SHPRH: variants seen among roughly 807,000 people sequenced by gnomAD.
SHPRH encodes SNF2 histone linker PHD RING helicase, also known as E3 ubiquitin-protein ligase SHPRH.
In SHPRH, 106 loss-of-function variants were observed where a neutral mutation model predicts 202.5. The observed-to-expected ratio is 0.52, with a 90% CI of 0.45 to 0.62. The LOEUF (loss-of-function observed/expected upper bound fraction) is 0.62, where lower values mean the gene tolerates loss of function less well. Among genes scored for constraint, SHPRH ranks in the 20% least tolerant of loss-of-function variants. The pLI, the probability that SHPRH is intolerant of heterozygous loss-of-function variation, is 0.00. For missense variants in SHPRH, 1,710 were observed against 2,020.0 expected (o/e 0.85, Z 2.94); for synonymous variants, 729 against 686.0 (o/e 1.06, Z -0.98).
At chr6:145,887,101 T>C (rs891585672) in intron 29 of SHPRH, among the ~76,000 whole-genome samples, 3 of 152,166 alleles carry the variant, frequency 2.0e-5, no homozygotes, top group African/African-American at 7.2e-5. Context: ...AGTTAATTTG[T>C]TTCAAGAGAA....
At chr6:145,949,898 C>T (rs1787797453) in intron 4 of SHPRH, among the ~76,000 whole-genome samples, 1 of 152,094 alleles carries the variant, frequency 6.6e-6, no homozygotes, top group African/African-American at 2.4e-5. Context: ...CACCAACATT[C>T]ACCATTACAT....
downstream of SHPRH, chr6:145,883,296 A>G (rs1780722482): frequency 6.6e-6 from 1 of 152,242 alleles, no homozygotes. Context: ...ACATTAAATG[A>G]TGAAGATACG....
downstream of SHPRH, chr6:145,884,058 CT>C (rs1436901333): frequency 6.6e-6 from 1 of 152,176 alleles, no homozygotes; most frequent in Non-Finnish European, 1.5e-5. Context: ...TGATTTCTTA[CT>C]TTATCCACCT....
intron 26 of SHPRH, 122 bp from the exon 27 acceptor site, chr6:145,894,358 A>AAAACCC (rs1161910943): frequency 1.7e-6 from 1 of 591,460 alleles, no homozygotes; most frequent in African/African-American, 2.0e-5. Context: ...AACCAAAACC[A>AAAACCC]AAACCCTCAA....
At chr6:145,939,292 C>A (rs1255427098) in intron 11 of SHPRH, among the ~76,000 whole-genome samples, 1 of 152,118 alleles carries the variant, frequency 6.6e-6, no homozygotes, top group Non-Finnish European at 1.5e-5. Context: ...ACGAAACTTG[C>A]CTTATTGTGC....
intron 29 of SHPRH, among the ~76,000 whole-genome samples, chr6:145,887,529 G>GTTTT (rs200904161): frequency 1.0e-4 from 13 of 130,134 alleles, no homozygotes; most frequent in African/African-American, 1.7e-4. Flanking sequence ...ACCTTAACAA[G>GTTTT]TTTGTTTTTT....
Position 145,943,188 on chromosome 6 carries a change from C to A in SHPRH, c.2193G>T (p.Val731=). The A allele has an allele frequency of 6.2e-7, 1 of 1,612,328 alleles. No homozygotes were observed. Among genetic ancestry groups the A allele is most frequent in the Non-Finnish European group, 8.5e-7 (1 of 1,179,006 alleles). ...ACCTCACATGCCTGTTGATCTCATC[C>A]ACCCACTGGTGACAGATGGAACTTG... ...ISPSSICHQW[V]DEINRHVRSS... Residue 731 remains valine (V), a synonymous_variant, in exon 9 of 30, where the codon GTG becomes GTT. Transcript: ENST00000275233.
chr6:145,888,702 T>C (rs180879951), intron 28 of SHPRH, among the ~76,000 whole-genome samples: 193 of 152,306 alleles, frequency 1.3e-3, no homozygotes, highest in African/African-American at 4.4e-3. Flanking sequence ...TAGAAATCCC[T>C]TTGGCAACCG....
At chr6:145,922,427 T>C (rs1784505279) in intron 19 of SHPRH, 79 bp from the exon 20 acceptor site, 24 of 1,455,626 alleles carry the variant, frequency 1.6e-5, no homozygotes, top group Non-Finnish European at 2.2e-5. Context: ...CTTAATATTT[T>C]GACTTCATTT....
downstream of SHPRH, among the ~76,000 whole-genome samples, chr6:145,861,044 G>A (rs1426196330): frequency 6.6e-6 from 1 of 151,942 alleles, no homozygotes; most frequent in African/African-American, 2.4e-5. Context: ...TTAAATAGAG[G>A]AAAAAGTTTG....
chr6:145,943,807 G>GA lies in SHPRH; in HGVS notation c.1579-6dup, dbSNP rs776871669. On this transcript the variant is annotated splice_region_variant and splice_polypyrimidine_tract_variant and intron_variant, in intron 8 of 29. Transcript: ENST00000275233. ...TTTCCTTGGACTCCCTACTGCCTAT[G>GA]AAAAAAATATTTAATTAATTGATTG... 1 of 1,549,448 alleles carries GA rather than the reference G, an allele frequency of 6.5e-7. No homozygotes were observed. The highest frequency in any genetic ancestry group is 2.3e-5 in the East Asian group (1 of 44,328).
chr6:145,862,032 A>G (rs753869922), downstream of SHPRH, among the ~76,000 whole-genome samples: 1 of 152,154 alleles, frequency 6.6e-6, no homozygotes, highest in Non-Finnish European at 1.5e-5. Context: ...ATGTTGGTCA[A>G]AGGTTGCAAA....
intron 1 of SHPRH, among the ~76,000 whole-genome samples, chr6:145,963,001 T>C (rs1789255720): frequency 6.6e-6 from 1 of 152,228 alleles, no homozygotes. Context: ...AAAAGTTTTG[T>C]TTTAATAATT....
At chr6:145,876,570 C>T (rs550651442) in intron 2 of SHPRH, 9 of 152,160 alleles carry the variant, frequency 5.9e-5, no homozygotes, top group Non-Finnish European at 1.2e-4. Flanking sequence ...ATCCATTTAT[C>T]GTTTGATAGG....
rs1177607433 is a variant in SHPRH at position 145,933,014 on chromosome 6, G to A, written c.3112+43C>T. On this transcript the variant is annotated intron_variant, in intron 14 of 29. Transcript: ENST00000275233. ...TTTTTTCTATAATTAACCTTCCTCA[G>A]GAAGTGTTTGAAAGAATCAGAGATA... is the stretch of plus-strand genomic sequence containing the variant. The A allele has an allele frequency of 3.8e-6, 6 of 1,586,394 alleles. No individual in the cohort carries two copies. The African/African-American group carries it at 6.8e-5, about 18-fold the overall frequency.
intron 14 of SHPRH, 92 bp downstream of exon 14, chr6:145,932,965 C>G: frequency 2.5e-6 from 3 of 1,178,146 alleles, no homozygotes; most frequent in Non-Finnish European, 3.4e-6. Flanking sequence ...GGGGAAAAAT[C>G]CCCCCCCCAA....
At chr6:145,923,179 T>C (rs1784574337) in intron 18 of SHPRH, among the ~76,000 whole-genome samples, 1 of 151,812 alleles carries the variant, frequency 6.6e-6, no homozygotes, top group African/African-American at 2.4e-5. Context: ...ACATCCTTGC[T>C]CTATATGAGG....
chr6:145,881,327 C>T (rs78180503), downstream of SHPRH, among the ~76,000 whole-genome samples: 472 of 152,266 alleles, frequency 3.1e-3, 4 homozygotes, highest in African/African-American at 0.011. Context: ...TTCCTCATGG[C>T]TGGGGAGGCC....
At position 145,919,434 on chromosome 6, in the gene SHPRH, C is replaced by A; in HGVS notation, c.4066G>T (p.Ala1356Ser). The A allele has an allele frequency of 9.9e-6, 16 of 1,613,132 alleles. No individual in the cohort carries two copies. Among genetic ancestry groups the A allele is most frequent in the Non-Finnish European group, 1.4e-5 (16 of 1,179,404 alleles). Reference protein sequence around the residue: ...RNRVSAVDELAMATERLRVRD... With the variant: ...RNRVSAVDELSMATERLRVRD... ...ACTCTTAGTCGTTCTGTAGCCATTG[C>A]AAGTTCATCAACAGCAGACACACGA... is the stretch of plus-strand genomic sequence containing the variant. Residue 1356 changes from alanine to serine, a missense_variant, in exon 22 of 30, where the codon GCA (alanine) becomes TCA (serine). Around this residue, in one of 8 missense-constraint regions of SHPRH, gnomAD observed 306 missense variants for 479.5 expected, o/e 0.64. Transcript: ENST00000275233.
Sources: gnomAD v4.1 joint callset for allele counts (sites outside exome capture counted in the v4.1 genomes callset) on GRCh38, gnomAD v4.1.1 for gene constraint, gnomAD v4.1.1 regional missense constraint, MANE v1.5 for transcripts, NCBI Gene and HGNC (gene_info 2026-07-23, HGNC 2026-07-21) for gene names.